The following UBE2E1 variants were observed in gnomAD, a reference collection of about 807,000 sequenced individuals.
UBE2E1 encodes ubiquitin-conjugating enzyme E2 E1.
UBE2E1 carries 6 observed loss-of-function variants against 21.4 expected under a neutral mutation model. The ratio of observed to expected loss-of-function variants is 0.28; its 90% CI spans 0.15 to 0.55. The LOEUF (loss-of-function observed/expected upper bound fraction) is 0.55. UBE2E1 is among the 20% of genes least tolerant of loss of function. The pLI, the probability that UBE2E1 is intolerant of heterozygous loss-of-function variation, is 0.93. For synonymous variants in UBE2E1, 87 were observed against 82.7 expected, an observed-to-expected ratio of 1.05 and a Z score of -0.28; for missense variants, 142 against 236.5, an observed-to-expected ratio of 0.60 and a Z score of 2.62.
intron 3 of UBE2E1, among the ~76,000 whole-genome samples, chr3:23,864,681 C>G (rs1302245590): frequency 6.6e-6 from 1 of 152,192 alleles, no homozygotes; most frequent in Non-Finnish European, 1.5e-5. Context: ...CCTATAATTT[C>G]TGTTTTCTGT....
rs1158130725 is a variant in UBE2E1 at position 23,890,450 on chromosome 3, G to T, written c.485-59G>T. 1.9e-6 allele frequency: 3 copies of T among 1,548,888 alleles called. No individual in the cohort carries two copies. The East Asian group carries it at 6.9e-5, about 36-fold the overall frequency. ...GTATCTACCCAAGCTGTCACTATTCGCTAAAGTTTAAAATGTTCTTTTCCT... is the reference window on the plus strand; with the variant it reads ...GTATCTACCCAAGCTGTCACTATTCTCTAAAGTTTAAAATGTTCTTTTCCT... On this transcript the variant is annotated intron_variant, in intron 5 of 5. Transcript: ENST00000306627.
intron 3 of UBE2E1, among the ~76,000 whole-genome samples, chr3:23,850,161 A>G (rs1265930930): frequency 6.6e-6 from 1 of 152,148 alleles, no homozygotes; most frequent in Admixed American, 6.5e-5. Context: ...GTTCTTATTT[A>G]TCTATCTAAT....
rs1447297024 is a variant in UBE2E1 at position 23,810,794 on chromosome 3, G to C, written c.153-666G>C. 4.6e-6 allele frequency: 1 copy of C among 218,624 alleles called. No homozygotes were observed. The highest frequency in any genetic ancestry group is 1.5e-3 in the Middle Eastern group (1 of 676). 13.5% of individuals were successfully genotyped at this position (218,624 alleles called of 1,614,324 possible). A position where few individuals can be genotyped will look rare whatever the true frequency, so the allele number is the denominator to read the frequency against. The stretch of plus-strand genomic sequence containing the variant: ...TTCACCGGCGCGGCGCGAGCCGTCG[G>C]GGGCGCGCGCGGGGTGGGGGCGGCG... On this transcript the variant is annotated intron_variant, in intron 2 of 5. Transcript: ENST00000306627. The surrounding 1 kb of genome is among the most constrained non-coding windows in gnomAD (Gnocchi z 5.8).
chr3:23,884,564 C>G (rs1417847734), intron 3 of UBE2E1, among the ~76,000 whole-genome samples: 2 of 152,096 alleles, frequency 1.3e-5, no homozygotes, highest in East Asian at 3.8e-4. Flanking sequence ...ATCCATAAAT[C>G]TGCATGTAGT....
chr3:23,811,294 T>G (rs868533946), intron 2 of UBE2E1, among the ~76,000 whole-genome samples, 166 bp from the exon 3 acceptor site: 1 of 152,174 alleles, frequency 6.6e-6, no homozygotes, highest in South Asian at 2.1e-4. Flanking sequence ...CGTGAAAAGT[T>G]TTTTTCCTAA....
rs1210164827 is a variant in UBE2E1 at position 23,887,444 on chromosome 3, TG to T, written c.204-122del. On this transcript the variant is annotated intron_variant, in intron 3 of 5. Transcript: ENST00000306627. This position sits in a 1 kb window ranked among gnomAD's most constrained non-coding sequence, Gnocchi z 4.4. ...TCTGCATCCGTTTCTGTACTTGTTT[TG>T]TAAAGAGAATCCACACAGTAAACAA... The T allele has an allele frequency of 1.9e-5, 25 of 1,328,762 alleles. No individual in the cohort carries two copies. The highest frequency in any genetic ancestry group is 2.2e-5 in the Non-Finnish European group (22 of 1,001,012). The allele number at this position is 1,328,762 out of a possible 1,614,324, so 82.3% of individuals were successfully genotyped here.
chr3:23,820,105 G>A (rs1699615657), intron 3 of UBE2E1, among the ~76,000 whole-genome samples: 1 of 152,154 alleles, frequency 6.6e-6, no homozygotes, highest in South Asian at 2.1e-4. Context: ...GGTTATGTTA[G>A]AGTTGCTGGC....
At chr3:23,818,144 G>T (rs915770602) in intron 3 of UBE2E1, among the ~76,000 whole-genome samples, 3 of 152,172 alleles carry the variant, frequency 2.0e-5, no homozygotes, top group Non-Finnish European at 4.4e-5. Context: ...AAGGAGTCGG[G>T]TTCTTCTGGG....
chr3:23,885,889 C>CA (rs200942209), intron 3 of UBE2E1, among the ~76,000 whole-genome samples: 2,103 of 151,298 alleles, frequency 0.014, 54 homozygotes, highest in African/African-American at 0.049. Context: ...ACAAAACAAA[C>CA]AAAAAAACTC....
chr3:23,817,192 C>T (rs1178121369), intron 3 of UBE2E1, among the ~76,000 whole-genome samples: 1 of 152,106 alleles, frequency 6.6e-6, no homozygotes, highest in Non-Finnish European at 1.5e-5. Context: ...CCTGTAATCC[C>T]AGCACTTTGG....
At chr3:23,839,560 G>A (rs1298917391) in intron 3 of UBE2E1, among the ~76,000 whole-genome samples, 1 of 151,646 alleles carries the variant, frequency 6.6e-6, no homozygotes, top group East Asian at 1.9e-4. Flanking sequence ...TCTTTGTATA[G>A]TTTCAGATAT....
chr3:23,845,617 A>ATG (rs1700187142), intron 3 of UBE2E1, among the ~76,000 whole-genome samples: 5 of 78,306 alleles, frequency 6.4e-5, no homozygotes, highest in African/African-American at 1.4e-4. Flanking sequence ...GTGTGTGTGT[A>ATG]TGTGTGTGTA....
intron 3 of UBE2E1, among the ~76,000 whole-genome samples, chr3:23,825,923 C>T (rs1046763726): frequency 2.0e-5 from 3 of 152,126 alleles, no homozygotes; most frequent in African/African-American, 7.2e-5. Context: ...TGCCTATATT[C>T]CCCGCTGTTA....
intron 3 of UBE2E1, among the ~76,000 whole-genome samples, chr3:23,858,647 C>T (rs1700489725): frequency 6.6e-6 from 1 of 152,096 alleles, no homozygotes; most frequent in African/African-American, 2.4e-5. Context: ...GGAAGACAAA[C>T]CTTTATATTG....
chr3:23,879,091 G>C (rs963224621), intron 3 of UBE2E1: 2 of 500,390 alleles, frequency 4.0e-6, no homozygotes, highest in Admixed American at 2.3e-5. Context: ...ATGAGTTCCT[G>C]AAGTCTTGCT....
rs554807476 is a variant in UBE2E1 at position 23,807,450 on chromosome 3, C to T, written c.152+29C>T. ...CTGTGCTCTTTTTTTTTTCCACAGG[C>T]TTCCTATTTCCGAACTGCCTCTTGC... On this transcript the variant is annotated intron_variant, in intron 2 of 5. Coordinates refer to ENST00000306627, the MANE Select transcript of UBE2E1 (RefSeq NM_003341.5). 25 of 1,595,668 alleles carry T rather than the reference C, an allele frequency of 1.6e-5. No individual in the cohort carries two copies. The South Asian group carries it at 2.5e-4, about 16-fold the overall frequency.
rs773219544 is a variant in UBE2E1 at position 23,810,497 on chromosome 3, C to G, written c.153-963C>G. The G allele has an allele frequency of 3.9e-6, 6 of 1,535,562 alleles. No homozygotes were observed. The South Asian group carries it at 5.9e-5, about 15-fold the overall frequency. The stretch of plus-strand genomic sequence containing the variant: ...GACCATGAAGGAAGTGGGCAGACCC[C>G]GGGAAGTTAGAGGACGCCCGGGGAA... On this transcript the variant is annotated intron_variant, in intron 2 of 5. Coordinates refer to ENST00000306627, the MANE Select transcript of UBE2E1 (RefSeq NM_003341.5). This position sits in a 1 kb window ranked among gnomAD's most constrained non-coding sequence, Gnocchi z 5.8.
In UBE2E1 at chr3:23,863,769, A is replaced by G. The variant is rs1234971833; in HGVS notation, c.204-23798A>G. On this transcript the variant is annotated intron_variant, in intron 3 of 5. Transcript: ENST00000306627. The surrounding 1 kb of genome is among the most constrained non-coding windows in gnomAD (Gnocchi z 4.3). ...GGTCTCAAACTCCCGATCTCAGGTC[A>G]TCCACCCACCTCAGCCTCCCAAAGT... Among the ~76,000 whole-genome samples, 1 of 152,126 alleles carries G rather than the reference A, an allele frequency of 6.6e-6. No individual in the cohort carries two copies. Among genetic ancestry groups the G allele is most frequent in the Non-Finnish European group, 1.5e-5 (1 of 68,022 alleles).
At chr3:23,884,522 G>C (rs1306449471) in intron 3 of UBE2E1, among the ~76,000 whole-genome samples, 1 of 152,120 alleles carries the variant, frequency 6.6e-6, no homozygotes, top group Non-Finnish European at 1.5e-5. Context: ...TTGATGCACA[G>C]TGAAATTTGG....
Sources: gnomAD v4.1 joint callset for allele counts (sites outside exome capture counted in the v4.1 genomes callset) on GRCh38, gnomAD v4.1.1 for gene constraint, Gnocchi (gnomAD v3.1) non-coding constraint, MANE v1.5 for transcripts, NCBI Gene and HGNC (gene_info 2026-07-23, HGNC 2026-07-21) for gene names.